The following OPA3 variants were observed in gnomAD, a reference collection of about 807,000 sequenced individuals.
The protein encoded by OPA3 is optic atrophy 3 protein.
A neutral mutation model predicts 4.0 loss-of-function variants in OPA3; 6 were observed. The observed-to-expected ratio is 1.51, with a 90% CI of 0.83 to 2.99. The LOEUF is 2.99. OPA3 is among the 30% of genes most tolerant of loss of function. The pLI is 0.00. For synonymous variants in OPA3, 105 were observed against 117.1 expected (o/e 0.90, Z 0.67); for missense variants, 235 against 256.2 (o/e 0.92, Z 0.56).
intron 1 of OPA3, among the ~76,000 whole-genome samples, chr19:45,577,658 G>A (rs1220273221): frequency 1.3e-5 from 2 of 152,124 alleles, no homozygotes; most frequent in Non-Finnish European, 2.9e-5. Context: ...AAAAGGAAAG[G>A]TTCTTGACAT....
At chr19:45,542,092 T>TGA (rs139413818), downstream of OPA3, among the ~76,000 whole-genome samples, 915 of 152,248 alleles carry the variant, frequency 6.0e-3, 10 homozygotes, top group African/African-American at 0.021. Flanking sequence ...CAGTTAGGTG[T>TGA]GGTCAGGGCA....
At chr19:45,584,360 C>T in intron 1 of OPA3, 2 of 985,410 alleles carry the variant, frequency 2.0e-6, no homozygotes, top group Non-Finnish European at 2.4e-6. Flanking sequence ...TTTAACAGGG[C>T]ATCAGTCTCC....
At chr19:45,574,745 G>T (rs2122501872) in intron 1 of OPA3, among the ~76,000 whole-genome samples, 1 of 152,312 alleles carries the variant, frequency 6.6e-6, no homozygotes, top group Non-Finnish European at 1.5e-5. Context: ...TGTGCCTGGA[G>T]CTGCTTTGAC....
At chr19:45,539,827 A>G (rs1969163742) in intron 1 of OPA3, among the ~76,000 whole-genome samples, 1 of 152,150 alleles carries the variant, frequency 6.6e-6, no homozygotes, top group Non-Finnish European at 1.5e-5. Context: ...TTTACATTAA[A>G]TGTCCCAAAT....
At chr19:45,532,911 G>A (rs895838727) in intron 1 of OPA3, among the ~76,000 whole-genome samples, 1 of 151,868 alleles carries the variant, frequency 6.6e-6, no homozygotes, top group Non-Finnish European at 1.5e-5. Context: ...TTTTTTTTGA[G>A]ATGGAGTTTT....
In OPA3 at chr19:45,551,609, CTG is replaced by C. The variant is rs1326333714; in HGVS notation, c.*1903_*1904del. On this transcript the variant is annotated 3_prime_UTR_variant, in exon 2 of 2. Coordinates refer to ENST00000263275, the MANE Select transcript of OPA3 (RefSeq NM_025136.4). ...GGTTTCAGACTTCTGGACTCCAGAA[CTG>C]TGTGAATTAAATTCCTGTTGGACTT... The C allele has an allele frequency of 2.9e-6, 2 of 688,892 alleles. No individual in the cohort carries two copies. Among genetic ancestry groups the C allele is most frequent in the Non-Finnish European group, 3.6e-6 (2 of 559,128 alleles). 42.7% of individuals were successfully genotyped at this position (688,892 alleles called of 1,614,324 possible).
intron 1 of OPA3, among the ~76,000 whole-genome samples, chr19:45,574,027 G>T (rs1166071502): frequency 1.3e-5 from 2 of 151,670 alleles, no homozygotes; most frequent in African/African-American, 4.8e-5. Context: ...GCTGGGCGTG[G>T]TGGCAGGCGC....
At chr19:45,543,100 C>T (rs1379849041), downstream of OPA3, among the ~76,000 whole-genome samples, 5 of 151,720 alleles carry the variant, frequency 3.3e-5, no homozygotes, top group Non-Finnish European at 7.4e-5. Flanking sequence ...ACCTCCAACT[C>T]TCCAGCTCAA....
At chr19:45,573,534 T>C (rs1343183422) in intron 1 of OPA3, among the ~76,000 whole-genome samples, 1 of 152,198 alleles carries the variant, frequency 6.6e-6, no homozygotes, top group Non-Finnish European at 1.5e-5. Context: ...CTATGTTTTA[T>C]GGATCTTAAT....
downstream of OPA3, among the ~76,000 whole-genome samples, chr19:45,544,330 T>A (rs1212862012): frequency 6.6e-6 from 1 of 152,196 alleles, no homozygotes; most frequent in African/African-American, 2.4e-5. Flanking sequence ...CAAATTGTGG[T>A]CTAGCCTCAC....
intron 1 of OPA3, among the ~76,000 whole-genome samples, chr19:45,580,546 G>A (rs954576983): frequency 9.9e-5 from 15 of 152,006 alleles, no homozygotes; most frequent in African/African-American, 3.1e-4. Context: ...GCCTGCCTCG[G>A]CCTCCCAAAG....
intron 1 of OPA3, among the ~76,000 whole-genome samples, chr19:45,568,277 C>A: frequency 6.6e-6 from 1 of 152,092 alleles, no homozygotes; most frequent in Non-Finnish European, 1.5e-5. Context: ...GCAACCTCTG[C>A]CTCCTGGTTT....
At position 45,549,315 on chromosome 19, in the gene OPA3, A is replaced by T; in HGVS notation, c.*4199T>A. On this transcript the variant is annotated 3_prime_UTR_variant, in exon 2 of 2. Transcript: ENST00000263275. ...ACACTCTGGCCACCCCTGACGCCGC[A>T]GTGGGGGAAGTAGATGGCCCTGCTG... 2 of 985,218 alleles carry T rather than the reference A, an allele frequency of 2.0e-6. No homozygotes were observed. Among genetic ancestry groups the T allele is most frequent in the Non-Finnish European group, 2.4e-6 (2 of 829,908 alleles). 61.0% of individuals were successfully genotyped at this position (985,218 alleles called of 1,614,324 possible).
chr19:45,552,923 G>C lies in OPA3; in HGVS notation c.*591C>G. 2 of 898,158 alleles carry C rather than the reference G, an allele frequency of 2.2e-6. No individual in the cohort carries two copies. The highest frequency in any genetic ancestry group is 1.1e-3 in the Middle Eastern group (2 of 1,744). The allele number at this position is 898,158 out of a possible 1,614,324, so 55.6% of individuals were successfully genotyped here. ...ACTCCTGACCTCAAGTGATCCGCCC[G>C]CCTCGGCCTCCCAAGGTGCTAGGAT... On this transcript the variant is annotated 3_prime_UTR_variant, in exon 2 of 2. Transcript: ENST00000263275.
chr19:45,562,207 A>T (rs1969512711), intron 1 of OPA3, among the ~76,000 whole-genome samples: 1 of 150,858 alleles, frequency 6.6e-6, no homozygotes, highest in Admixed American at 6.6e-5. Flanking sequence ...ATTAGCCGGG[A>T]GTGGTGATGC....
Position 45,549,251 on chromosome 19 carries a change from G to C in OPA3, c.*4263C>G, listed in dbSNP as rs996637694. 5.1e-6 allele frequency: 5 copies of C among 985,264 alleles called. No homozygotes were observed. The African/African-American group carries it at 5.2e-5, about 10-fold the overall frequency. 61.0% of individuals were successfully genotyped at this position (985,264 alleles called of 1,614,324 possible). ...CACACGAGCAGTGAACCATCCTCTG[G>C]CCTCTTGCATTTTGAGAGGACGTTC... On this transcript the variant is annotated 3_prime_UTR_variant, in exon 2 of 2. Transcript: ENST00000263275.
At chr19:45,543,936 C>T (rs191477422), downstream of OPA3, among the ~76,000 whole-genome samples, 1 of 152,210 alleles carries the variant, frequency 6.6e-6, no homozygotes, top group Non-Finnish European at 1.5e-5. Flanking sequence ...TCTTTTTCTG[C>T]TTCAGTTAGC....
At position 45,548,459 on chromosome 19, in the gene OPA3, G is replaced by A; in HGVS notation, c.*5055C>T. ...TTTATAGTCCTGAGTCACTCCAGAG[G>A]GAGGATTCCGGATTCAGCCCAGCCC... On this transcript the variant is annotated 3_prime_UTR_variant, in exon 2 of 2. Coordinates refer to ENST00000263275, the MANE Select transcript of OPA3 (RefSeq NM_025136.4). The A allele has an allele frequency of 1.0e-6, 1 of 985,444 alleles. No homozygotes were observed. Among genetic ancestry groups the A allele is most frequent in the African/African-American group, 1.7e-5 (1 of 57,350 alleles). The allele number at this position is 985,444 out of a possible 1,614,324, so 61.0% of individuals were successfully genotyped here. A position where few individuals can be genotyped will look rare whatever the true frequency, so the allele number is the denominator to read the frequency against.
chr19:45,532,184 C>T (rs901745785), intron 1 of OPA3, among the ~76,000 whole-genome samples: 3 of 152,220 alleles, frequency 2.0e-5, no homozygotes, highest in African/African-American at 4.8e-5. Flanking sequence ...CTCAGGTAGG[C>T]TTCCCTGGTG....
Sources: allele counts gnomAD v4.1 joint callset (sites outside exome capture counted in the v4.1 genomes callset), GRCh38; gene constraint gnomAD v4.1.1; transcripts MANE v1.5; gene names NCBI Gene and HGNC (gene_info 2026-07-23, HGNC 2026-07-21).